The following CUX1 variants were observed in gnomAD, a reference collection of about 807,000 sequenced individuals.
CUX1 encodes the protein protein CASP.
In CUX1, 31 loss-of-function variants were observed where a neutral mutation model predicts 158.8. That is an observed-to-expected ratio of 0.20 (90% CI 0.15 to 0.26). CUX1 has a LOEUF of 0.26. Ranked by LOEUF, CUX1 falls within the 10% of genes least tolerant of loss-of-function variation. The pLI, the probability that CUX1 is intolerant of heterozygous loss-of-function variation, is 1.00. For synonymous variants in CUX1, 879 were observed against 862.1 expected, an observed-to-expected ratio of 1.02 and a Z score of -0.34; for missense variants, 1,589 against 2,014.6, an observed-to-expected ratio of 0.79 and a Z score of 4.04.
rs782288993 is a variant in CUX1, at chr7:102,115,221, C to T, written c.622C>T (p.Arg208Ter). 6.2e-7 allele frequency: 1 copy of T among 1,608,038 alleles called. No homozygotes were observed. Among genetic ancestry groups the T allele is most frequent in the Non-Finnish European group, 8.5e-7 (1 of 1,178,634 alleles). ...QSLQTALEKT[R>*]TELFDLKTKY... ...TTGCCTTTCAGCCCTGGAAAAAACT[C>T]GAACAGAATTATTTGACCTGAAAAC... The change falls in exon 8 of 24, where the codon CGA (arginine) becomes TGA (stop). Residue 208 changes from arginine (R) to a stop codon, truncating the protein, a stop_gained. Transcript: ENST00000292535. LOFTEE classifies it high-confidence loss of function.
intron 20 of CUX1, among the ~76,000 whole-genome samples, chr7:102,219,879 C>T (rs1160309803): frequency 2.0e-5 from 3 of 152,192 alleles, no homozygotes; most frequent in African/African-American, 4.8e-5. Context: ...AGGACTGTTC[C>T]GATGGAGATT....
intron 8 of CUX1, among the ~76,000 whole-genome samples, chr7:102,150,562 G>A (rs1563314311): frequency 1.3e-5 from 2 of 152,298 alleles, no homozygotes; most frequent in South Asian, 4.1e-4. Context: ...TTAACAGCTC[G>A]TTTTAACAGC....
chr7:101,835,639 A>G (rs1440129277), intron 1 of CUX1, among the ~76,000 whole-genome samples: 1 of 152,130 alleles, frequency 6.6e-6, no homozygotes, highest in Non-Finnish European at 1.5e-5. Context: ...CAGGCATGCA[A>G]TTCATAATAA....
At chr7:101,898,983 C>T (rs766887386) in intron 1 of CUX1, among the ~76,000 whole-genome samples, 1 of 152,228 alleles carries the variant, frequency 6.6e-6, no homozygotes, top group African/African-American at 2.4e-5. Context: ...CCCAGAGCCC[C>T]GTCCACTGGC....
At chr7:101,933,508 TA>T (rs1414505140) in intron 2 of CUX1, among the ~76,000 whole-genome samples, 1 of 152,242 alleles carries the variant, frequency 6.6e-6, no homozygotes, top group African/African-American at 2.4e-5. Flanking sequence ...TAAGATTTCT[TA>T]ATGGACTTTA....
intron 7 of CUX1, 145 bp downstream of exon 7, chr7:102,111,919 C>G: frequency 1.6e-6 from 1 of 633,772 alleles, no homozygotes; most frequent in Non-Finnish European, 2.8e-6. Context: ...TGAAGAATTC[C>G]GCAGCACGCC....
chr7:102,148,950 C>A (rs1198763090), intron 8 of CUX1, among the ~76,000 whole-genome samples: 1 of 151,880 alleles, frequency 6.6e-6, no homozygotes, highest in Non-Finnish European at 1.5e-5. Flanking sequence ...TGAGTTACTT[C>A]ACTTAGAATA....
intron 21 of CUX1, among the ~76,000 whole-genome samples, chr7:102,228,166 G>C (rs1464006653): frequency 6.6e-6 from 1 of 151,736 alleles, no homozygotes; most frequent in Non-Finnish European, 1.5e-5. Context: ...GGCCAGGCTG[G>C]TCTCGAACTC....
Position 102,267,256 on chromosome 7 carries a change from C to T in CUX1, c.1256-6110C>T, listed in dbSNP as rs574043298. On this transcript the variant is annotated intron_variant, in intron 14 of 22. Transcript: ENST00000292538. The stretch of plus-strand genomic sequence containing the variant: ...AGTGATTTAATAAGACAGGGGCAGC[C>T]GGGCATGTGGCTCATGCCTGTAATC... 9.9e-5 allele frequency among the ~76,000 whole-genome samples: 15 copies of T among 152,052 alleles called. No individual in the cohort carries two copies. In the East Asian group the frequency reaches 2.7e-3, roughly 28 times the overall value.
intron 1 of CUX1, among the ~76,000 whole-genome samples, chr7:101,851,966 C>T (rs560632882): frequency 1.3e-5 from 2 of 151,942 alleles, no homozygotes; most frequent in Non-Finnish European, 2.9e-5. Flanking sequence ...GTAGCTAGGA[C>T]TACAGGTGCA....
At chr7:102,213,951 G>A (rs1380242311) in intron 20 of CUX1, among the ~76,000 whole-genome samples, 1 of 152,076 alleles carries the variant, frequency 6.6e-6, no homozygotes, top group Non-Finnish European at 1.5e-5. Flanking sequence ...TGGCCAACAT[G>A]GCAAAACCCT....
intron 2 of CUX1, among the ~76,000 whole-genome samples, chr7:101,931,204 C>T (rs958779656): frequency 6.6e-6 from 1 of 152,154 alleles, no homozygotes; most frequent in Admixed American, 6.5e-5. Flanking sequence ...AGGCACATCC[C>T]TTTCTTCTTA....
chr7:102,059,050 T>C (rs935982037), intron 3 of CUX1, among the ~76,000 whole-genome samples: 1 of 152,244 alleles, frequency 6.6e-6, no homozygotes, highest in African/African-American at 2.4e-5. Context: ...TGTGATCTGC[T>C]GTCCTGGAGC....
chr7:101,876,625 G>T (rs918908544), intron 1 of CUX1, among the ~76,000 whole-genome samples: 8 of 152,068 alleles, frequency 5.3e-5, no homozygotes, highest in Non-Finnish European at 8.8e-5. Context: ...AACCTGGGAG[G>T]TGGAGGTTGC....
intron 1 of CUX1, among the ~76,000 whole-genome samples, chr7:101,855,126 G>C (rs1458285753): frequency 6.6e-6 from 1 of 152,210 alleles, no homozygotes; most frequent in Non-Finnish European, 1.5e-5. Context: ...AATTTCCCCA[G>C]TGCCGTGGCA....
At chr7:102,026,052 G>A (rs1232237594) in intron 2 of CUX1, among the ~76,000 whole-genome samples, 1 of 152,116 alleles carries the variant, frequency 6.6e-6, no homozygotes, top group South Asian at 2.1e-4. Flanking sequence ...GATGGTGTGC[G>A]CCTGTAGTCC....
intron 1 of CUX1, chr7:101,913,065 C>T (rs1335947859): frequency 5.9e-6 from 1 of 170,846 alleles, no homozygotes; most frequent in Non-Finnish European, 1.3e-5. Context: ...TGTTTAATCG[C>T]TGTCTCCTCC....
At chr7:102,064,430 T>C (rs1825306966) in intron 3 of CUX1, among the ~76,000 whole-genome samples, 1 of 152,022 alleles carries the variant, frequency 6.6e-6, no homozygotes, top group African/African-American at 2.4e-5. Flanking sequence ...AGCCTAGGAT[T>C]CTCTCTTCAG....
intron 1 of CUX1, among the ~76,000 whole-genome samples, chr7:101,913,711 C>T (rs989272763): frequency 6.6e-6 from 1 of 152,212 alleles, no homozygotes; most frequent in Non-Finnish European, 1.5e-5. Flanking sequence ...TAACCGCCCC[C>T]AGCACCCCCA....
Sources: gnomAD v4.1 joint callset for allele counts (sites outside exome capture counted in the v4.1 genomes callset) on GRCh38, gnomAD v4.1.1 for gene constraint, MANE v1.5 for transcripts, NCBI Gene and HGNC (gene_info 2026-07-23, HGNC 2026-07-21) for gene names.